The following NLRP5 variants were observed in gnomAD, a reference collection of about 807,000 sequenced individuals.
NLRP5 encodes the protein NLR family pyrin domain containing 5.
NLRP5 carries 93 observed loss-of-function variants against 113.1 expected under a neutral mutation model. The observed-to-expected ratio is 0.82, with a 90% confidence interval of 0.70 to 0.98. The LOEUF (loss-of-function observed/expected upper bound fraction) is 0.98. NLRP5 is among the 50% of genes least tolerant of loss of function. NLRP5 has a pLI of 0.00. For missense variants in NLRP5, 1,808 were observed against 1,514.3 expected, an observed-to-expected ratio of 1.19 and a Z score of -3.22; for synonymous variants, 751 against 600.7, an observed-to-expected ratio of 1.25 and a Z score of -3.66.
intron 7 of NLRP5, among the ~76,000 whole-genome samples, chr19:56,031,700 C>T (rs552404043): frequency 2.6e-5 from 4 of 151,824 alleles, no homozygotes; most frequent in Non-Finnish European, 5.9e-5. Flanking sequence ...TGGTATAGCT[C>T]ACCTAACATA....
chr19:56,016,656 C>G (rs12985844), intron 4 of NLRP5, among the ~76,000 whole-genome samples: 1 of 152,154 alleles, frequency 6.6e-6, no homozygotes, highest in African/African-American at 2.4e-5. Context: ...CCCTCCAATT[C>G]TGAGTTCGAC....
chr19:56,049,520 G>A (rs1983853311), intron 11 of NLRP5, among the ~76,000 whole-genome samples: 1 of 150,260 alleles, frequency 6.7e-6, no homozygotes, highest in African/African-American at 2.5e-5. Flanking sequence ...ATGTTGGCCA[G>A]GATGGTCTCG....
chr19:55,990,328 A>T, the NLRP5 span, among the ~76,000 whole-genome samples: 1 of 151,620 alleles, frequency 6.6e-6, no homozygotes, highest in African/African-American at 2.4e-5. Context: ...ACCTCAGGTG[A>T]TCCACCTGCC....
At chr19:56,031,918 G>T (rs1368037673) in intron 7 of NLRP5, among the ~76,000 whole-genome samples, 1 of 152,162 alleles carries the variant, frequency 6.6e-6, no homozygotes, top group African/African-American at 2.4e-5. Flanking sequence ...GTTCTTCCGG[G>T]TATACACCCA....
chr19:55,994,284 ACTT>A, the NLRP5 span, among the ~76,000 whole-genome samples: 4 of 152,298 alleles, frequency 2.6e-5, no homozygotes, highest in Admixed American at 6.5e-5. Flanking sequence ...GTTTTTACCC[ACTT>A]CTTAAATGGA....
At chr19:56,025,078 T>G (rs2123300493) in intron 6 of NLRP5, among the ~76,000 whole-genome samples, 1 of 152,236 alleles carries the variant, frequency 6.6e-6, no homozygotes, top group East Asian at 1.9e-4. Context: ...CCTGATGATC[T>G]GTCAGTGTCT....
intron 12 of NLRP5, 41 bp downstream of exon 12, chr19:56,050,629 G>T (rs368899205): frequency 1.1e-5 from 18 of 1,575,766 alleles, no homozygotes; most frequent in Middle Eastern, 1.7e-4. Flanking sequence ...TATCATACTG[G>T]GGTCTGGAGT....
In NLRP5 at chr19:56,058,226, T is replaced by A; in HGVS notation, c.3300-14T>A. 6.2e-7 allele frequency: 1 copy of A among 1,608,728 alleles called. No homozygotes were observed. The highest frequency in any genetic ancestry group is 8.5e-7 in the Non-Finnish European group (1 of 1,176,866). On this transcript the variant is annotated splice_polypyrimidine_tract_variant and intron_variant, in intron 13 of 14. Transcript: ENST00000390649. ...GATCTTTGGGGTTATTTTCTGGGTGTCCTGACCCTGCAGGTTGAAGGCATG... is the reference window on the plus strand; with the variant it reads ...GATCTTTGGGGTTATTTTCTGGGTGACCTGACCCTGCAGGTTGAAGGCATG...
intron 1 of NLRP5, 76 bp from the exon 2 acceptor site, chr19:56,003,660 G>A (rs1174249348): frequency 6.6e-7 from 1 of 1,510,876 alleles, no homozygotes; most frequent in Non-Finnish European, 8.9e-7. Flanking sequence ...CATCTAGTGA[G>A]GTGATTGATG....
At chr19:56,014,404 C>G (rs535790034) in intron 3 of NLRP5, among the ~76,000 whole-genome samples, 1 of 151,440 alleles carries the variant, frequency 6.6e-6, no homozygotes, top group African/African-American at 2.4e-5. Flanking sequence ...CGCTTGAACC[C>G]AGGAGGTGGA....
At chr19:56,056,067 C>G (rs189752912) in intron 13 of NLRP5, among the ~76,000 whole-genome samples, 56 of 152,298 alleles carry the variant, frequency 3.7e-4, no homozygotes, top group African/African-American at 1.3e-3. Flanking sequence ...CTGGTCCACT[C>G]GTTTTCCCCA....
Position 56,026,966 on chromosome 19 carries a change from G to A in NLRP5, c.733G>A (p.Glu245Lys), listed in dbSNP as rs1457564638. 6.4e-7 allele frequency: 1 copy of A among 1,551,650 alleles called. No homozygotes were observed. The highest frequency in any genetic ancestry group is 8.7e-7 in the Non-Finnish European group (1 of 1,147,006). ...GAGTCACGTGATGACCAAATTCGCT[G>A]AGGAGGAGGATGTACGTCGTAGTTT... The change falls in exon 7 of 15, where the codon GAG becomes AAG. Residue 245 changes from glutamate to lysine, a missense_variant. Glu to Lys is a moderately conservative substitution (Grantham distance 56). Transcript: ENST00000390649.
At chr19:56,028,755 C>T (rs2123307276) in intron 7 of NLRP5, among the ~76,000 whole-genome samples, 1 of 152,194 alleles carries the variant, frequency 6.6e-6, no homozygotes, top group Middle Eastern at 3.4e-3. Context: ...GGTTGAAACC[C>T]AGGAATATGT....
chr19:56,008,054 G>T (rs926859444), intron 2 of NLRP5, among the ~76,000 whole-genome samples: 2 of 135,834 alleles, frequency 1.5e-5, no homozygotes, highest in Non-Finnish European at 3.3e-5. Context: ...TCAGCCTCCC[G>T]AGTAGCTGGG....
chr19:55,987,212 G>A, the NLRP5 span, among the ~76,000 whole-genome samples: 2 of 151,934 alleles, frequency 1.3e-5, no homozygotes, highest in African/African-American at 4.8e-5. Context: ...TCTAATAAAA[G>A]TACAAAAATG....
Position 56,053,821 on chromosome 19 carries a change from G to A in NLRP5, c.3299+13G>A. On this transcript the variant is annotated intron_variant, in intron 13 of 14. Transcript: ENST00000390649. ...TGGCGAGACTCGGGTAACTTCCTGG[G>A]GCGCCTCTTTGCGGGCCGGGCTGGG... is the stretch of plus-strand genomic sequence containing the variant. 6.2e-7 allele frequency: 1 copy of A among 1,610,564 alleles called. No individual in the cohort carries two copies. The highest frequency in any genetic ancestry group is 2.2e-5 in the East Asian group (1 of 44,778).
At chr19:56,039,138 T>C (rs1287302738) in intron 10 of NLRP5, among the ~76,000 whole-genome samples, 1 of 151,016 alleles carries the variant, frequency 6.6e-6, no homozygotes, top group Non-Finnish European at 1.5e-5. Flanking sequence ...GCAGGTGCTG[T>C]TGATAACCCT....
chr19:55,996,116 T>C (rs774334682), upstream of NLRP5, among the ~76,000 whole-genome samples: 3 of 152,194 alleles, frequency 2.0e-5, no homozygotes, highest in African/African-American at 4.8e-5. Context: ...TTCTCCAATT[T>C]TGATGCCCTT....
chr19:56,053,583 G>C, intron 12 of NLRP5, 55 bp from the exon 13 acceptor site: 1 of 1,503,966 alleles, frequency 6.6e-7, no homozygotes, highest in Non-Finnish European at 9.1e-7. Context: ...ACCTTCTCCC[G>C]CTGTTCCACT....
Sources: allele counts gnomAD v4.1 joint callset (sites outside exome capture counted in the v4.1 genomes callset), GRCh38; gene constraint gnomAD v4.1.1; transcripts MANE v1.5; gene names NCBI Gene and HGNC (gene_info 2026-07-23, HGNC 2026-07-21).